The following GSDME variants were observed in gnomAD, a reference collection of about 807,000 sequenced individuals.
GSDME encodes gasdermin E, also known as gasdermin-E.
In GSDME, 44 loss-of-function variants were observed where a neutral mutation model predicts 47.5. The ratio of observed to expected loss-of-function variants is 0.93; its 90% CI spans 0.73 to 1.19. GSDME has a LOEUF of 1.19. GSDME is among the 50% of genes most tolerant of loss of function. The probability of loss-of-function intolerance (pLI) is 0.00; values close to 1 mark genes in which losing one functional copy is unlikely to be tolerated. For synonymous variants in GSDME, 258 were observed against 252.8 expected (o/e 1.02, Z -0.20); for missense variants, 663 against 604.2 (o/e 1.10, Z -1.02).
chr7:24,706,796 A>G (rs1789127793), intron 7 of GSDME, among the ~76,000 whole-genome samples: 1 of 152,218 alleles, frequency 6.6e-6, no homozygotes, highest in African/African-American at 2.4e-5. Context: ...CTGTCCCCAC[A>G]GAGCCTGCTG....
chr7:24,730,374 T>TTGAGGCGCTTGCC, intron 3 of GSDME, among the ~76,000 whole-genome samples: 1 of 152,244 alleles, frequency 6.6e-6, no homozygotes, highest in Non-Finnish European at 1.5e-5. Flanking sequence ...CAATGGTACA[T>TTGAGGCGCTTGCC]AGAATAATGG....
At chr7:24,763,213 C>G in the GSDME span, among the ~76,000 whole-genome samples, 89 of 152,266 alleles carry the variant, frequency 5.8e-4, 1 homozygote, top group South Asian at 0.016. This position sits in a 1 kb window ranked among gnomAD's most constrained non-coding sequence, Gnocchi z 4.3. Flanking sequence ...AAAACTAGCA[C>G]AAATTTCTTT....
At chr7:24,784,547 G>C in the GSDME span, among the ~76,000 whole-genome samples, 1 of 151,722 alleles carries the variant, frequency 6.6e-6, no homozygotes, top group African/African-American at 2.4e-5. Context: ...GAAGCATCCA[G>C]CAAGAGAGAA....
chr7:24,791,451 G>A, the GSDME span, among the ~76,000 whole-genome samples: 1 of 152,214 alleles, frequency 6.6e-6, no homozygotes, highest in African/African-American at 2.4e-5. This position sits in a 1 kb window ranked among gnomAD's most constrained non-coding sequence, Gnocchi z 4.8. Context: ...GCTGCTAGGA[G>A]GTGACACACT....
At chr7:24,767,230 A>G in the GSDME span, among the ~76,000 whole-genome samples, 1 of 152,184 alleles carries the variant, frequency 6.6e-6, no homozygotes, top group African/African-American at 2.4e-5. This position sits in a 1 kb window ranked among gnomAD's most constrained non-coding sequence, Gnocchi z 5.3. Flanking sequence ...AGGCTGAGGC[A>G]GAAGTATCGC....
chr7:24,776,041 G>A, the GSDME span, among the ~76,000 whole-genome samples: 15 of 151,972 alleles, frequency 9.9e-5, no homozygotes, highest in East Asian at 3.9e-4. Flanking sequence ...TTAGCCGGGC[G>A]TGGTAGCGGG....
At chr7:24,773,879 T>C in the GSDME span, among the ~76,000 whole-genome samples, 10 of 152,252 alleles carry the variant, frequency 6.6e-5, no homozygotes, top group Non-Finnish European at 1.3e-4. The surrounding 1 kb of genome is among the most constrained non-coding windows in gnomAD (Gnocchi z 5.4). Context: ...TCTTTCCTAG[T>C]TCCCAGCATA....
intron 1 of GSDME, among the ~76,000 whole-genome samples, chr7:24,751,648 G>A (rs992140538): frequency 6.6e-6 from 1 of 152,200 alleles, no homozygotes; most frequent in Non-Finnish European, 1.5e-5. Flanking sequence ...CTGATAAGGT[G>A]AACTGCAAAG....
intron 1 of GSDME, among the ~76,000 whole-genome samples, chr7:24,755,524 C>T (rs1054959639): frequency 6.6e-6 from 1 of 152,250 alleles, no homozygotes; most frequent in Non-Finnish European, 1.5e-5. Flanking sequence ...TCTAACACCT[C>T]TTATTGAGAC....
rs374933927 is a variant in GSDME, at chr7:24,736,393, G to A, written c.404+8169C>T. Reference sequence around the variant, plus strand: ...AACTATATTTATGTCAGACAAAATCGATTTCAAGACAAAAACTATAAGAAG... The same window carrying A: ...AACTATATTTATGTCAGACAAAATCAATTTCAAGACAAAAACTATAAGAAG... On this transcript the variant is annotated intron_variant, in intron 3 of 9. Transcript: ENST00000645220. This position sits in a 1 kb window ranked among gnomAD's most constrained non-coding sequence, Gnocchi z 4.6. Among the ~76,000 whole-genome samples the A allele has an allele frequency of 1.1e-4, 16 of 152,200 alleles. 1 individual carries two copies. Among genetic ancestry groups the A allele is most frequent in the Admixed American group, 7.8e-4 (12 of 15,294 alleles).
intron 9 of GSDME, among the ~76,000 whole-genome samples, 179 bp from the exon 10 acceptor site, chr7:24,699,438 G>A (rs908278128): frequency 5.3e-5 from 8 of 152,140 alleles, no homozygotes. Context: ...CAGCTCCCAG[G>A]TTCAAGCGAT....
At position 24,699,272 on chromosome 7, in the gene GSDME, A is replaced by G; in HGVS notation, c.1258-13T>C. 1 of 1,559,302 alleles carries G rather than the reference A, an allele frequency of 6.4e-7. No individual in the cohort carries two copies. Among genetic ancestry groups the G allele is most frequent in the Non-Finnish European group, 8.8e-7 (1 of 1,130,424 alleles). ...ACAGAGCACGAAGCTGAAATGACAC[A>G]TTTAAACAAATTCACTTTTAAAATG... On this transcript the variant is annotated splice_polypyrimidine_tract_variant and intron_variant, in intron 9 of 9. Coordinates refer to ENST00000645220, the MANE Select transcript of GSDME (RefSeq NM_001127453.2).
chr7:24,780,779 C>T, the GSDME span, among the ~76,000 whole-genome samples: 1 of 152,188 alleles, frequency 6.6e-6, no homozygotes, highest in Non-Finnish European at 1.5e-5. This position sits in a 1 kb window ranked among gnomAD's most constrained non-coding sequence, Gnocchi z 4.1. Context: ...CCTTTGTCTA[C>T]CCAGTAGATG....
intron 3 of GSDME, among the ~76,000 whole-genome samples, chr7:24,720,526 G>T (rs1276962274): frequency 6.6e-6 from 1 of 152,164 alleles, no homozygotes; most frequent in Admixed American, 6.5e-5. Context: ...GTAATCACCT[G>T]CCCAGAATAG....
intron 3 of GSDME, among the ~76,000 whole-genome samples, chr7:24,720,843 G>A (rs1015654695): frequency 2.6e-5 from 4 of 151,980 alleles, no homozygotes; most frequent in African/African-American, 9.7e-5. Context: ...GGAGGCGGAG[G>A]TTGCGGTGAG....
rs992058583 is a variant in GSDME, at chr7:24,735,069, A to C, written c.404+9493T>G. Among the ~76,000 whole-genome samples the C allele has an allele frequency of 3.3e-5, 5 of 152,214 alleles. No homozygotes were observed. The highest frequency in any genetic ancestry group is 7.3e-5 in the Non-Finnish European group (5 of 68,032). ...AAGCAGCAAGAAACTAACTGCATACAATGGAGCTCCAATATGTTTGGCAGC... is the reference window on the plus strand; with the variant it reads ...AAGCAGCAAGAAACTAACTGCATACCATGGAGCTCCAATATGTTTGGCAGC... On this transcript the variant is annotated intron_variant, in intron 3 of 9. Coordinates refer to ENST00000645220, the MANE Select transcript of GSDME (RefSeq NM_001127453.2). The surrounding 1 kb of genome is among the most constrained non-coding windows in gnomAD (Gnocchi z 4.4).
chr7:24,702,556 G>C, intron 9 of GSDME: 1 of 540,176 alleles, frequency 1.9e-6, no homozygotes, highest in East Asian at 4.2e-5. Flanking sequence ...CAAGTTATTT[G>C]GACAAATCAT....
At chr7:24,776,271 C>T in the GSDME span, among the ~76,000 whole-genome samples, 3 of 151,122 alleles carry the variant, frequency 2.0e-5, no homozygotes, top group South Asian at 2.1e-4. Flanking sequence ...GACGTGGTGG[C>T]GGTACTTCTA....
chr7:24,745,562 C>T lies in GSDME; in HGVS notation c.212-808G>A, dbSNP rs1036345020. 2.0e-5 allele frequency among the ~76,000 whole-genome samples: 3 copies of T among 152,166 alleles called. No individual in the cohort carries two copies. The highest frequency in any genetic ancestry group is 7.2e-5 in the African/African-American group (3 of 41,450). ...CTCATATCTGAACTGTCAGCCTTCT[C>T]ACATCTCCAGGTTTCTACTATTCTC... On this transcript the variant is annotated intron_variant, in intron 2 of 9. Transcript: ENST00000645220. This position sits in a 1 kb window ranked among gnomAD's most constrained non-coding sequence, Gnocchi z 4.4.
Sources: allele counts gnomAD v4.1 joint callset (sites outside exome capture counted in the v4.1 genomes callset), GRCh38; gene constraint gnomAD v4.1.1; non-coding constraint Gnocchi (gnomAD v3.1); transcripts MANE v1.5; gene names NCBI Gene and HGNC (gene_info 2026-07-23, HGNC 2026-07-21).